MDN1: variants seen among roughly 807,000 people sequenced by gnomAD.
MDN1 encodes the protein midasin.
Under a neutral mutation model 669.2 loss-of-function variants are expected in MDN1, and 266 were observed. The observed-to-expected ratio is 0.40, with a 90% confidence interval of 0.36 to 0.44. MDN1 has a LOEUF of 0.44. Among genes scored for constraint, MDN1 ranks in the 20% least tolerant of loss-of-function variants. The pLI is 1.00. For missense variants in MDN1, 5,940 were observed against 6,754.0 expected (o/e 0.88, Z 4.22); for synonymous variants, 2,385 against 2,457.1 (o/e 0.97, Z 0.87).
intron 90 of MDN1, among the ~76,000 whole-genome samples, chr6:89,657,158 C>G (rs1272192011): frequency 6.6e-6 from 1 of 152,172 alleles, no homozygotes; most frequent in Non-Finnish European, 1.5e-5. Context: ...TTTACTGAGG[C>G]TTATTTTTCT....
chr6:89,650,379 G>A (rs77638378), intron 96 of MDN1, among the ~76,000 whole-genome samples, 181 bp from the exon 97 acceptor site: 273 of 152,212 alleles, frequency 1.8e-3, no homozygotes, highest in African/African-American at 6.5e-3. Flanking sequence ...CAGAAAAACT[G>A]GACACGTATG....
Position 89,774,825 on chromosome 6 carries a change from C to T in MDN1, c.1822-92G>A, listed in dbSNP as rs1008511550. 5 of 802,058 alleles carry T rather than the reference C, an allele frequency of 6.2e-6. No homozygotes were observed. In the Admixed American group the frequency reaches 1.0e-4, roughly 16 times the overall value. 49.7% of individuals were successfully genotyped at this position (802,058 alleles called of 1,614,324 possible). ...GCTTATTTTGGCCCTCAAATTAGCA[C>T]TCTACAAAGAATTATTCTCTACTTC... On this transcript the variant is annotated intron_variant, in intron 12 of 101. Transcript: ENST00000369393.
At chr6:89,744,973 T>C (rs532071795) in intron 29 of MDN1, among the ~76,000 whole-genome samples, 2 of 133,858 alleles carry the variant, frequency 1.5e-5, no homozygotes, top group South Asian at 2.3e-4. Context: ...TCTTAGTTTC[T>C]TTTTTTTTTT....
At chr6:89,666,329 G>A (rs775419048) in intron 84 of MDN1, among the ~76,000 whole-genome samples, 4 of 152,124 alleles carry the variant, frequency 2.6e-5, no homozygotes, top group Non-Finnish European at 4.4e-5. Flanking sequence ...GCAATGGCAC[G>A]ATCTTGGCCC....
At chr6:89,756,847 G>A (rs1488996426) in intron 19 of MDN1, among the ~76,000 whole-genome samples, 3 of 151,874 alleles carry the variant, frequency 2.0e-5, no homozygotes, top group Non-Finnish European at 4.4e-5. Context: ...CGTGAACCCA[G>A]GAGGCAGAGC....
intron 70 of MDN1, among the ~76,000 whole-genome samples, 179 bp downstream of exon 70, chr6:89,685,648 C>T (rs1811953728): frequency 1.3e-5 from 2 of 152,210 alleles, no homozygotes; most frequent in Non-Finnish European, 2.9e-5. Flanking sequence ...AAACTTATAA[C>T]CATCTGCACC....
At chr6:89,707,615 T>G (rs750028596) in intron 51 of MDN1, 139 bp from the exon 52 acceptor site, 6 of 646,870 alleles carry the variant, frequency 9.3e-6, no homozygotes, top group Non-Finnish European at 1.7e-5. Context: ...AATCTTGGAC[T>G]AAAGAGATGG....
At chr6:89,787,339 T>C (rs1490819923) in intron 8 of MDN1, among the ~76,000 whole-genome samples, 1 of 152,218 alleles carries the variant, frequency 6.6e-6, no homozygotes, top group Non-Finnish European at 1.5e-5. Flanking sequence ...CGCTCAGTTT[T>C]TGTGCCTTTG....
At chr6:89,800,217 C>G (rs1220309241) in intron 2 of MDN1, among the ~76,000 whole-genome samples, 8 of 152,078 alleles carry the variant, frequency 5.3e-5, no homozygotes, top group African/African-American at 1.9e-4. Context: ...CACCTGAGAT[C>G]GGGAGTTCGA....
Position 89,655,883 on chromosome 6 carries a change from A to G in MDN1, c.15371T>C (p.Val5124Ala). The G allele has an allele frequency of 6.2e-7, 1 of 1,614,118 alleles. No individual in the cohort carries two copies. Among genetic ancestry groups the G allele is most frequent in the East Asian group, 2.2e-5 (1 of 44,882 alleles). The change falls in exon 92 of 102, where the codon GTG becomes GCG. Residue 5124 changes from valine (V) to alanine (A), a missense_variant. By Grantham distance (64) the Val-to-Ala change is moderately conservative. This residue lies in a region of MDN1 where 2,280 missense variants were observed against 2,576.3 expected (regional missense o/e 0.88). Coordinates refer to ENST00000369393, the MANE Select transcript of MDN1 (RefSeq NM_014611.3). ...NERVHKRLRT[V>A]DTDSHAEQGP... is the part of the protein sequence containing the mutation. Reference sequence around the variant, plus strand: ...CTGCTCGGCATGGCTGTCCGTATCCACAGTCCTCAGCCTCTTGTGCACACG... The same window carrying G: ...CTGCTCGGCATGGCTGTCCGTATCCGCAGTCCTCAGCCTCTTGTGCACACG...
At position 89,789,883 on chromosome 6, in the gene MDN1, T is replaced by C; in HGVS notation, c.1127A>G (p.Asp376Gly). 1 of 1,613,706 alleles carries C rather than the reference T, an allele frequency of 6.2e-7. No individual in the cohort carries two copies. The highest frequency in any genetic ancestry group is 8.5e-7 in the Non-Finnish European group (1 of 1,179,912). The change falls in exon 7 of 102, where the codon GAT (aspartate) becomes GGT (glycine). Residue 376 changes from aspartate (D) to glycine (G), a missense_variant. Physicochemically the swap from Asp to Gly is moderately conservative, Grantham distance 94. Transcript: ENST00000369393. ...CTGCCACACAAACTCTCCAGGAACA[T>C]CTGTGCAGCGATACATCCCCAAAAG... Reference protein sequence around the residue: ...KMLLGMYRCTDVPGEFVWQPG... With the variant: ...KMLLGMYRCTGVPGEFVWQPG...
At chr6:89,662,751 T>C in intron 86 of MDN1, 41 bp downstream of exon 86, 1 of 1,603,918 alleles carries the variant, frequency 6.2e-7, no homozygotes, top group Non-Finnish European at 8.5e-7. Flanking sequence ...GCAGATTACC[T>C]CCTCTCAGCT....
rs776113278 is a variant in MDN1 at position 89,696,612 on chromosome 6, T to C, written c.9169-38A>G. Reference sequence around the variant, plus strand: ...AGAAGAGTCAATAACTTTTAGAAATTAAGACAATTTCCAGAAGCAGCATTA... The same window carrying C: ...AGAAGAGTCAATAACTTTTAGAAATCAAGACAATTTCCAGAAGCAGCATTA... On this transcript the variant is annotated intron_variant, in intron 59 of 101. Coordinates refer to ENST00000369393, the MANE Select transcript of MDN1 (RefSeq NM_014611.3). The C allele has an allele frequency of 3.9e-6, 6 of 1,522,078 alleles. No individual in the cohort carries two copies. The East Asian group carries it at 1.4e-4, about 34-fold the overall frequency. 94.3% of individuals were successfully genotyped at this position (1,522,078 alleles called of 1,614,324 possible). A position where few individuals can be genotyped will look rare whatever the true frequency, so the allele number is the denominator to read the frequency against.
At chr6:89,793,450 C>T (rs1819387219) in intron 5 of MDN1, among the ~76,000 whole-genome samples, 1 of 152,172 alleles carries the variant, frequency 6.6e-6, no homozygotes, top group Non-Finnish European at 1.5e-5. Context: ...CAGTGGCTCA[C>T]GCCTGTAATC....
intron 96 of MDN1, 124 bp from the exon 97 acceptor site, chr6:89,650,322 G>A: frequency 1.1e-6 from 1 of 891,468 alleles, no homozygotes; most frequent in Non-Finnish European, 1.7e-6. Flanking sequence ...CTGGCACAAT[G>A]AAGTGTTTCT....
rs917571194 is a variant in MDN1 at position 89,795,918 on chromosome 6, G to A, written c.330-1117C>T. 2.6e-5 allele frequency among the ~76,000 whole-genome samples: 4 copies of A among 152,072 alleles called. No individual in the cohort carries two copies. The East Asian group carries it at 7.7e-4, about 29-fold the overall frequency. On this transcript the variant is annotated intron_variant, in intron 2 of 101. Transcript: ENST00000369393. ...TGCAGTGAGCCGAGATCGCACCACT[G>A]CTCTCAGGCCTGGGCGACACAGTGA...
chr6:89,682,341 A>G (rs1030613203), intron 73 of MDN1, among the ~76,000 whole-genome samples: 2 of 152,218 alleles, frequency 1.3e-5, no homozygotes, highest in African/African-American at 4.8e-5. Flanking sequence ...AATTTTAAGC[A>G]GCAAGGCCAA....
intron 10 of MDN1, 65 bp downstream of exon 10, chr6:89,781,334 G>C (rs1311939803): frequency 2.0e-6 from 3 of 1,514,384 alleles, no homozygotes; most frequent in East Asian, 2.3e-5. Flanking sequence ...CTGGGTAACA[G>C]AGCAGGAATC....
intron 73 of MDN1, among the ~76,000 whole-genome samples, chr6:89,682,902 A>G (rs1305465774): frequency 2.0e-5 from 3 of 151,354 alleles, no homozygotes; most frequent in African/African-American, 7.3e-5. Context: ...AGCCATAATC[A>G]TGCCTGGGCA....
Sources: allele counts gnomAD v4.1 joint callset (sites outside exome capture counted in the v4.1 genomes callset), GRCh38; gene constraint gnomAD v4.1.1; regional missense constraint gnomAD v4.1.1; transcripts MANE v1.5; gene names NCBI Gene and HGNC (gene_info 2026-07-23, HGNC 2026-07-21).